Variants in AHCYL2 observed in about 807,000 individuals in gnomAD.
AHCYL2 encodes S-adenosylhomocysteine hydrolase-like protein 2.
A neutral mutation model predicts 81.4 loss-of-function variants in AHCYL2; 28 were observed. The ratio of observed to expected loss-of-function variants is 0.34; its 90% CI spans 0.25 to 0.47. AHCYL2 has a LOEUF of 0.47. Among genes scored for constraint, AHCYL2 ranks in the 20% least tolerant of loss-of-function variants. The pLI is 1.00. For missense variants in AHCYL2, 551 were observed against 785.1 expected (o/e 0.70, Z 3.56); for synonymous variants, 272 against 290.2 (o/e 0.94, Z 0.64).
In AHCYL2 at chr7:129,427,280, G is replaced by A. The variant is rs560679300; in HGVS notation, c.*235G>A. The stretch of plus-strand genomic sequence containing the variant: ...AGCCACAGAGGATGGGCTGAGGAAG[G>A]AAAGAAATGGGGTTACTGCTCCCAG... On this transcript the variant is annotated 3_prime_UTR_variant, in exon 17 of 17. Coordinates refer to ENST00000325006, the MANE Select transcript of AHCYL2 (RefSeq NM_015328.4). This position sits in a 1 kb window ranked among gnomAD's most constrained non-coding sequence, Gnocchi z 5.5. 5.0e-5 allele frequency: 24 copies of A among 477,764 alleles called. No individual in the cohort carries two copies. In the South Asian group the frequency reaches 5.4e-4, roughly 11 times the overall value. 29.6% of individuals were successfully genotyped at this position (477,764 alleles called of 1,614,324 possible).
At chr7:129,388,471 C>T (rs966758757) in intron 2 of AHCYL2, among the ~76,000 whole-genome samples, 6 of 152,272 alleles carry the variant, frequency 3.9e-5, no homozygotes, top group Admixed American at 3.9e-4. Flanking sequence ...CTGAGGCCAG[C>T]AAGAAGGGAG....
At chr7:129,243,605 G>A (rs930039710) in intron 1 of AHCYL2, among the ~76,000 whole-genome samples, 10 of 151,782 alleles carry the variant, frequency 6.6e-5, no homozygotes, top group African/African-American at 2.4e-5. Flanking sequence ...GTTTTGAGAC[G>A]GAGTCTTGCT....
At chr7:129,307,131 A>G (rs1279187368) in intron 1 of AHCYL2, among the ~76,000 whole-genome samples, 1 of 152,146 alleles carries the variant, frequency 6.6e-6, no homozygotes, top group East Asian at 1.9e-4. Context: ...TCAAGGCCTT[A>G]GGGCTCTACA....
chr7:129,254,659 A>AC (rs2150707534), intron 1 of AHCYL2, among the ~76,000 whole-genome samples: 1 of 152,282 alleles, frequency 6.6e-6, no homozygotes, highest in East Asian at 1.9e-4. Context: ...CTCCTGTAAA[A>AC]CCATCAATGC....
chr7:129,417,966 C>T (rs555816694), intron 12 of AHCYL2, among the ~76,000 whole-genome samples: 2 of 152,184 alleles, frequency 1.3e-5, no homozygotes, highest in East Asian at 3.9e-4. Context: ...TTAGGGTAGT[C>T]AAGGAAGTCT....
At chr7:129,344,270 T>G (rs1793284818) in intron 1 of AHCYL2, among the ~76,000 whole-genome samples, 1 of 152,202 alleles carries the variant, frequency 6.6e-6, no homozygotes, top group South Asian at 2.1e-4. Context: ...TGAAGCCCAT[T>G]GTTCACATGA....
intron 1 of AHCYL2, among the ~76,000 whole-genome samples, chr7:129,369,550 GTTTTTTTT>G (rs35051098): frequency 7.5e-6 from 1 of 132,550 alleles, no homozygotes; most frequent in Non-Finnish European, 1.6e-5. Context: ...TTGTGTTCAG[GTTTTTTTT>G]TTTTTTTTTT....
chr7:129,276,501 AG>A (rs1483259240), intron 1 of AHCYL2, among the ~76,000 whole-genome samples: 1 of 151,874 alleles, frequency 6.6e-6, no homozygotes, highest in African/African-American at 2.4e-5. Flanking sequence ...CTATAATCCC[AG>A]CACTTTGGGA....
intron 1 of AHCYL2, among the ~76,000 whole-genome samples, chr7:129,252,324 G>A (rs1795272810): frequency 6.6e-6 from 1 of 152,238 alleles, no homozygotes; most frequent in Non-Finnish European, 1.5e-5. Flanking sequence ...GGAACAGTGA[G>A]TAGTATATAG....
At chr7:129,263,177 A>G (rs1454903878) in intron 1 of AHCYL2, among the ~76,000 whole-genome samples, 1 of 152,230 alleles carries the variant, frequency 6.6e-6, no homozygotes, top group African/African-American at 2.4e-5. Context: ...GCTTACAATA[A>G]CAAGGATTTA....
At chr7:129,335,773 C>T (rs922932147) in intron 1 of AHCYL2, among the ~76,000 whole-genome samples, 42 of 152,142 alleles carry the variant, frequency 2.8e-4, no homozygotes, top group African/African-American at 9.4e-4. Flanking sequence ...ACCAGCGTGT[C>T]CCAAAGAAGA....
chr7:129,345,705 C>G (rs934538135), intron 1 of AHCYL2, among the ~76,000 whole-genome samples: 2 of 152,014 alleles, frequency 1.3e-5, no homozygotes, highest in African/African-American at 4.8e-5. Flanking sequence ...GGAAAGAGTT[C>G]ATGAATAGGA....
intron 1 of AHCYL2, among the ~76,000 whole-genome samples, chr7:129,371,355 T>C (rs1584840029): frequency 6.6e-6 from 1 of 152,210 alleles, no homozygotes; most frequent in African/African-American, 2.4e-5. Context: ...CCTCAGAGAA[T>C]AGGACTCACA....
chr7:129,280,098 T>C (rs1796377102), intron 1 of AHCYL2, among the ~76,000 whole-genome samples: 1 of 152,116 alleles, frequency 6.6e-6, no homozygotes, highest in South Asian at 2.1e-4. Flanking sequence ...CTTCTGACAA[T>C]ATGGTTGCTT....
At chr7:129,290,070 C>T (rs1796782034) in intron 1 of AHCYL2, among the ~76,000 whole-genome samples, 1 of 152,094 alleles carries the variant, frequency 6.6e-6, no homozygotes, top group Non-Finnish European at 1.5e-5. Flanking sequence ...GCACCATGCC[C>T]AGTGGCATAT....
At chr7:129,381,169 T>G (rs1171856306) in intron 2 of AHCYL2, among the ~76,000 whole-genome samples, 1 of 152,192 alleles carries the variant, frequency 6.6e-6, no homozygotes, top group African/African-American at 2.4e-5. Flanking sequence ...AGCTGTGGGT[T>G]TGTGCATGTT....
At chr7:129,380,932 A>T (rs941928336) in intron 2 of AHCYL2, among the ~76,000 whole-genome samples, 8 of 152,140 alleles carry the variant, frequency 5.3e-5, no homozygotes, top group Admixed American at 5.2e-4. Flanking sequence ...GTAGAGATGG[A>T]ATCTCACCAT....
In AHCYL2 at chr7:129,425,088, A is replaced by G. The variant is rs1380785160; in HGVS notation, c.1655A>G (p.Asn552Ser). 6 of 1,613,690 alleles carry G rather than the reference A, an allele frequency of 3.7e-6. No homozygotes were observed. The highest frequency in any genetic ancestry group is 1.1e-5 in the South Asian group (1 of 91,074). ...GCTCTTGCCTTGATAGAGCTTTACA[A>G]TGCTCCTGAGGGTCGCTATAAGCAG... ...TQALALIELY[N>S]APEGRYKQDV... Residue 552 changes from asparagine to serine, a missense_variant, in exon 15 of 17, where the codon AAT becomes AGT. Transcript: ENST00000325006.
At chr7:129,422,967 C>T in intron 13 of AHCYL2, 29 bp downstream of exon 13, 1 of 1,601,210 alleles carries the variant, frequency 6.2e-7, no homozygotes, top group Non-Finnish European at 8.6e-7. Context: ...AAAATACTCC[C>T]CCACAACAGG....
Sources: allele counts gnomAD v4.1 joint callset (sites outside exome capture counted in the v4.1 genomes callset), GRCh38; gene constraint gnomAD v4.1.1; non-coding constraint Gnocchi (gnomAD v3.1); transcripts MANE v1.5; gene names NCBI Gene and HGNC (gene_info 2026-07-23, HGNC 2026-07-21).